Variants in HDDC2 observed in about 807,000 individuals in gnomAD.
HDDC2 encodes the protein 5'-deoxynucleotidase HDDC2.
In HDDC2, 25 loss-of-function variants were observed where a neutral mutation model predicts 25.5. The observed-to-expected ratio is 0.98, with a 90% CI of 0.72 to 1.37. HDDC2 has a LOEUF of 1.37. Ranked by LOEUF, HDDC2 falls within the 40% of genes most tolerant of loss-of-function variation. HDDC2 has a pLI of 0.00. For synonymous variants in HDDC2, 106 were observed against 89.7 expected, an observed-to-expected ratio of 1.18 and a Z score of -1.03; for missense variants, 264 against 253.1, an observed-to-expected ratio of 1.04 and a Z score of -0.29.
chr6:125,276,767 TC>T, intron 5 of HDDC2: 1 of 314,158 alleles, frequency 3.2e-6, no homozygotes, highest in Non-Finnish European at 5.9e-6. Flanking sequence ...TCCTCAGACC[TC>T]CCCAGATTTC....
At chr6:125,298,563 A>T (rs1003873755) in intron 3 of HDDC2, 151 bp downstream of exon 3, 2 of 630,204 alleles carry the variant, frequency 3.2e-6, no homozygotes, top group African/African-American at 3.7e-5. Flanking sequence ...AATCTCTAAA[A>T]ATATCTTCCC....
intron 4 of HDDC2, among the ~76,000 whole-genome samples, chr6:125,291,080 C>T (rs1306248926): frequency 1.3e-5 from 2 of 152,164 alleles, no homozygotes; most frequent in African/African-American, 2.4e-5. Context: ...CCCCCTTAGG[C>T]GACAATACAT....
At chr6:125,297,912 A>G (rs1259749191) in intron 3 of HDDC2, among the ~76,000 whole-genome samples, 1 of 152,242 alleles carries the variant, frequency 6.6e-6, no homozygotes, top group Non-Finnish European at 1.5e-5. Flanking sequence ...TCTTTCTAAT[A>G]CAAATACTTG....
At chr6:125,288,385 C>T (rs544760825) in intron 4 of HDDC2, among the ~76,000 whole-genome samples, 38 of 152,198 alleles carry the variant, frequency 2.5e-4, no homozygotes, top group Admixed American at 5.2e-4. Context: ...CCAGTCCCCA[C>T]GGCACAGAGT....
chr6:125,301,533 A>G (rs892534354), intron 1 of HDDC2, among the ~76,000 whole-genome samples: 1 of 151,482 alleles, frequency 6.6e-6, no homozygotes, highest in African/African-American at 2.4e-5. Flanking sequence ...GAGCCCCGGA[A>G]AAGCTCAGTG....
intron 4 of HDDC2, among the ~76,000 whole-genome samples, chr6:125,290,474 T>C (rs944017167): frequency 2.0e-5 from 3 of 152,218 alleles, no homozygotes; most frequent in Admixed American, 6.5e-5. Flanking sequence ...TTGAATACTA[T>C]GTTGAAAAAT....
At position 125,301,929 on chromosome 6, in the gene HDDC2, C is replaced by A; in HGVS notation, c.4G>T (p.Ala2Ser). The change falls in exon 1 of 6, where the codon GCT becomes TCT. Residue 2 changes from alanine (A) to serine (S), a missense_variant. Coordinates refer to ENST00000398153, the MANE Select transcript of HDDC2 (RefSeq NM_016063.3). Reference protein sequence around the residue: MASVSSATFSGH... With the variant: MSSVSSATFSGH... ...GAGAAGGTCGCAGAGGAGACCGAAG[C>A]CATGCGGCCACCGACCCCGGCTGGG... is the stretch of plus-strand genomic sequence containing the variant. 6.5e-7 allele frequency: 1 copy of A among 1,549,018 alleles called. No homozygotes were observed. Among genetic ancestry groups the A allele is most frequent in the Non-Finnish European group, 8.7e-7 (1 of 1,148,346 alleles).
In HDDC2 at chr6:125,276,438, C is replaced by G. The variant is rs143218489; in HGVS notation, c.518-195G>C. ...CACTTGGCATTTACGCTCTGTCACC[C>G]CAGGTGCAACTGAGAATAAGGATGA... On this transcript the variant is annotated intron_variant, in intron 5 of 5. Transcript: ENST00000398153. The G allele has an allele frequency of 6.3e-4, 359 of 572,212 alleles. 5 individuals carry two copies. The East Asian group carries it at 0.01, about 16-fold the overall frequency. The allele number at this position is 572,212 out of a possible 1,614,324, so 35.4% of individuals were successfully genotyped here.
chr6:125,295,330 A>C (rs1219723422), intron 3 of HDDC2, among the ~76,000 whole-genome samples: 1 of 152,226 alleles, frequency 6.6e-6, no homozygotes, highest in African/African-American at 2.4e-5. Context: ...TTTTGTGACA[A>C]GTAACTGGAA....
At chr6:125,286,511 G>A (rs910955664) in intron 4 of HDDC2, among the ~76,000 whole-genome samples, 42 of 152,158 alleles carry the variant, frequency 2.8e-4, no homozygotes, top group African/African-American at 9.4e-4. Context: ...TCTGTACTAC[G>A]TAGCCAGGAT....
rs555071600 is a variant in HDDC2 at position 125,300,596 on chromosome 6, T to G, written c.148A>C (p.Met50Leu). The G allele has an allele frequency of 6.2e-7, 1 of 1,614,176 alleles. No individual in the cohort carries two copies. The highest frequency in any genetic ancestry group is 1.3e-5 in the African/African-American group (1 of 75,054). The part of the protein sequence containing the change: ...VQRPESVSDH[M>L]YRMAVMAMVI... ...ATAGCCATAACTGCCATCCGGTACA[T>G]GTGATCTGAAACGCTCTCCGGCCTC... Residue 50 changes from methionine (M) to leucine (L), a missense_variant, in exon 2 of 6, where the codon ATG becomes CTG. Transcript: ENST00000398153.
chr6:125,301,481 A>AGC lies in HDDC2; in HGVS notation c.84+366_84+367dup, dbSNP rs1554222388. ...CACACACACGAGTTCTGGGGTCGTG[A>AGC]GCACACACACACACACACACACACA... On this transcript the variant is annotated intron_variant, in intron 1 of 5. Coordinates refer to ENST00000398153, the MANE Select transcript of HDDC2 (RefSeq NM_016063.3). 8.2e-4 allele frequency among the ~76,000 whole-genome samples: 83 copies of AGC among 101,594 alleles called. 2 individuals carry two copies. Among genetic ancestry groups the AGC allele is most frequent in the African/African-American group, 4.0e-3 (68 of 17,110 alleles). 66.6% of individuals were successfully genotyped at this position (101,594 alleles called of 152,430 possible). A position where few individuals can be genotyped will look rare whatever the true frequency, so the allele number is the denominator to read the frequency against.
chr6:125,291,760 C>T (rs908826323), intron 4 of HDDC2, among the ~76,000 whole-genome samples: 1 of 152,206 alleles, frequency 6.6e-6, no homozygotes, highest in African/African-American at 2.4e-5. Context: ...TCAGGTCTCT[C>T]TGGCTGCAAG....
At chr6:125,286,545 G>A (rs912864125) in intron 4 of HDDC2, among the ~76,000 whole-genome samples, 8 of 152,080 alleles carry the variant, frequency 5.3e-5, no homozygotes, top group Non-Finnish European at 8.8e-5. Context: ...AAAAGGATAC[G>A]CACCACAATA....
chr6:125,292,975 C>T (rs1417700), intron 3 of HDDC2, 66 bp from the exon 4 acceptor site: 1 of 1,254,918 alleles, frequency 8.0e-7, no homozygotes, highest in South Asian at 1.2e-5. Context: ...CACTCTGCAA[C>T]AGACAAATAG....
At chr6:125,297,150 T>C (rs1296462091) in intron 3 of HDDC2, among the ~76,000 whole-genome samples, 4 of 152,222 alleles carry the variant, frequency 2.6e-5, no homozygotes, top group African/African-American at 9.6e-5. Flanking sequence ...GGAATTTTTT[T>C]CCCTTCCTTT....
At chr6:125,294,302 G>T (rs969267128) in intron 3 of HDDC2, among the ~76,000 whole-genome samples, 1 of 152,160 alleles carries the variant, frequency 6.6e-6, no homozygotes, top group Non-Finnish European at 1.5e-5. Context: ...GAAAAAAAAT[G>T]TTACAGAATA....
rs749438832 is a variant in HDDC2 at position 125,276,230 on chromosome 6, G to T, written c.531C>A (p.His177Gln). Residue 177 changes from histidine to glutamine, a missense_variant, in exon 6 of 6, where the codon CAC becomes CAA. Transcript: ENST00000398153. ...FYDSTAGKFN[H>Q]PEIVQLVSEL... ...CAGAAACAAGCTGGACTATCTCAGGGTGATTGAATTTTCCTGCAAAGCAAA... is the reference window on the plus strand; with the variant it reads ...CAGAAACAAGCTGGACTATCTCAGGTTGATTGAATTTTCCTGCAAAGCAAA... The T allele has an allele frequency of 6.2e-7, 1 of 1,613,786 alleles. No homozygotes were observed. The highest frequency in any genetic ancestry group is 8.5e-7 in the Non-Finnish European group (1 of 1,179,700).
At chr6:125,287,121 C>T (rs1310235731) in intron 4 of HDDC2, among the ~76,000 whole-genome samples, 1 of 151,912 alleles carries the variant, frequency 6.6e-6, no homozygotes, top group Non-Finnish European at 1.5e-5. Context: ...CTCTATAGGT[C>T]AAATGGTCTG....
Sources: gnomAD v4.1 joint callset for allele counts (sites outside exome capture counted in the v4.1 genomes callset) on GRCh38, gnomAD v4.1.1 for gene constraint, MANE v1.5 for transcripts, NCBI Gene and HGNC (gene_info 2026-07-23, HGNC 2026-07-21) for gene names.